The following ITCH variants were observed in gnomAD, a reference collection of about 807,000 sequenced individuals.
The protein encoded by ITCH is E3 ubiquitin-protein ligase Itchy homolog.
A neutral mutation model predicts 126.8 loss-of-function variants in ITCH; 28 were observed. The ratio of observed to expected loss-of-function variants is 0.22; its 90% confidence interval spans 0.16 to 0.30. The LOEUF (loss-of-function observed/expected upper bound fraction) is 0.30. Among genes scored for constraint, ITCH ranks in the 10% least tolerant of loss-of-function variants. The pLI, the probability that ITCH is intolerant of heterozygous loss-of-function variation, is 1.00. For missense variants in ITCH, 631 were observed against 1,032.4 expected (o/e 0.61, Z 5.33); for synonymous variants, 342 against 340.0 (o/e 1.01, Z -0.06).
rs559898176 is a variant in ITCH at position 34,389,110 on chromosome 20, G to A, written c.-21-4681G>A. ...GCGTATGTGAAAAGTCCTTCCCATA[G>A]ACTTGGGTTTCACATCCCATGAGTA... On this transcript the variant is annotated intron_variant, in intron 2 of 24. Coordinates refer to ENST00000374864, the MANE Select transcript of ITCH (RefSeq NM_031483.7). 2.6e-5 allele frequency among the ~76,000 whole-genome samples: 4 copies of A among 152,222 alleles called. No homozygotes were observed. In the East Asian group the frequency reaches 7.7e-4, roughly 29 times the overall value.
At position 34,397,266 on chromosome 20, in the gene ITCH, C is replaced by T. The variant is rs764361060; in HGVS notation, c.70+3385C>T. On this transcript the variant is annotated intron_variant, in intron 3 of 24. Coordinates refer to ENST00000374864, the MANE Select transcript of ITCH (RefSeq NM_031483.7). Reference sequence around the variant, plus strand: ...TTGAACTCCTGACCTCAGGATCCACCCACCTCGGCCTCCCAAAGTACAGGG... The same window carrying T: ...TTGAACTCCTGACCTCAGGATCCACTCACCTCGGCCTCCCAAAGTACAGGG... Among the ~76,000 whole-genome samples the T allele has an allele frequency of 3.7e-4, 57 of 152,154 alleles. No homozygotes were observed. Among genetic ancestry groups the T allele is most frequent in the Non-Finnish European group, 6.9e-4 (47 of 68,026 alleles).
At chr20:34,393,749 G>A in intron 2 of ITCH, 42 bp from the exon 3 acceptor site, 2 of 1,153,406 alleles carry the variant, frequency 1.7e-6, no homozygotes, top group East Asian at 4.7e-5. Flanking sequence ...TGTTTTTAAT[G>A]GGAATTTTTG....
chr20:34,480,931 C>G, intron 19 of ITCH, 135 bp from the exon 20 acceptor site: 2 of 1,087,508 alleles, frequency 1.8e-6, no homozygotes, highest in East Asian at 5.2e-5. Context: ...GACCTTAGAA[C>G]AGAATCTTAT....
chr20:34,489,712 A>G, intron 21 of ITCH, 110 bp from the exon 22 acceptor site: 1 of 817,950 alleles, frequency 1.2e-6, no homozygotes, highest in Admixed American at 1.8e-5. Flanking sequence ...TTGATAAGTC[A>G]AAGCCTACTG....
At chr20:34,369,846 G>A (rs2037552889) in intron 2 of ITCH, among the ~76,000 whole-genome samples, 1 of 152,068 alleles carries the variant, frequency 6.6e-6, no homozygotes, top group South Asian at 2.1e-4. Context: ...GCTCATGCCT[G>A]TAATTCCAGC....
chr20:34,506,459 G>A (rs1990626556), intron 24 of ITCH, among the ~76,000 whole-genome samples: 1 of 152,228 alleles, frequency 6.6e-6, no homozygotes. Context: ...CACAGCAGGA[G>A]GTAAGTGGAG....
chr20:34,501,123 C>A (rs1333538150), intron 23 of ITCH, among the ~76,000 whole-genome samples: 1 of 152,176 alleles, frequency 6.6e-6, no homozygotes, highest in Admixed American at 6.5e-5. Context: ...TAAACTTCCA[C>A]CCAGCACAGG....
chr20:34,394,209 C>CAAAAA (rs59876098), intron 3 of ITCH, among the ~76,000 whole-genome samples: 4 of 62,912 alleles, frequency 6.4e-5, no homozygotes, highest in African/African-American at 1.8e-4. Context: ...GAGACTGTCT[C>CAAAAA]AAAAAAAAAA....
At chr20:34,408,813 CTG>C (rs1978520074) in intron 4 of ITCH, 21 bp downstream of exon 4, 1 of 1,612,006 alleles carries the variant, frequency 6.2e-7, no homozygotes, top group Non-Finnish European at 8.5e-7. Context: ...AAGTATTTTT[CTG>C]TAGTATGTTT....
At chr20:34,423,610 T>C (rs1490519768) in intron 6 of ITCH, among the ~76,000 whole-genome samples, 1 of 152,138 alleles carries the variant, frequency 6.6e-6, no homozygotes, top group Non-Finnish European at 1.5e-5. Context: ...CCAACACTTT[T>C]CTTTTTTTTG....
At position 34,457,492 on chromosome 20, in the gene ITCH, T is replaced by A; in HGVS notation, c.1295+18T>A. Reference sequence around the variant, plus strand: ...AGTCAAGGGTAAGAATAGTTACTTGTGTATATTTAATCTCTTAAAGATTAT... The same window carrying A: ...AGTCAAGGGTAAGAATAGTTACTTGAGTATATTTAATCTCTTAAAGATTAT... On this transcript the variant is annotated intron_variant, in intron 13 of 24. Coordinates refer to ENST00000374864, the MANE Select transcript of ITCH (RefSeq NM_031483.7). The A allele has an allele frequency of 6.7e-7, 1 of 1,482,410 alleles. No homozygotes were observed. Among genetic ancestry groups the A allele is most frequent in the East Asian group, 2.3e-5 (1 of 44,202 alleles). The allele number at this position is 1,482,410 out of a possible 1,614,324, so 91.8% of individuals were successfully genotyped here. A position where few individuals can be genotyped will look rare whatever the true frequency, so the allele number is the denominator to read the frequency against.
chr20:34,372,582 G>A (rs577975550), intron 2 of ITCH, among the ~76,000 whole-genome samples: 2 of 151,462 alleles, frequency 1.3e-5, no homozygotes, highest in South Asian at 2.1e-4. Context: ...GGGTTTCACC[G>A]TGCTAGCCAG....
intron 7 of ITCH, among the ~76,000 whole-genome samples, chr20:34,429,303 A>G (rs1387317878): frequency 6.6e-6 from 1 of 152,192 alleles, no homozygotes; most frequent in African/African-American, 2.4e-5. Context: ...TATACTGTAT[A>G]GATTTCCGGA....
At chr20:34,407,173 C>T (rs2039088676) in intron 3 of ITCH, among the ~76,000 whole-genome samples, 1 of 152,006 alleles carries the variant, frequency 6.6e-6, no homozygotes, top group Non-Finnish European at 1.5e-5. Context: ...GAAGCTCTTC[C>T]TTAGATAATA....
chr20:34,499,950 G>C (rs1031627898), intron 23 of ITCH, among the ~76,000 whole-genome samples: 1 of 151,956 alleles, frequency 6.6e-6, no homozygotes, highest in Non-Finnish European at 1.5e-5. Context: ...GGTCATTCTG[G>C]AGCACGTTTA....
intron 7 of ITCH, among the ~76,000 whole-genome samples, chr20:34,436,638 T>A (rs1983041859): frequency 6.6e-6 from 1 of 152,242 alleles, no homozygotes; most frequent in African/African-American, 2.4e-5. Flanking sequence ...GTGCTTGTCA[T>A]ACCTTACTGT....
At position 34,457,604 on chromosome 20, in the gene ITCH, G is replaced by A. The variant is rs1249745087; in HGVS notation, c.1295+130G>A. The A allele has an allele frequency of 4.3e-6, 3 of 694,220 alleles. No individual in the cohort carries two copies. The African/African-American group carries it at 5.4e-5, about 12-fold the overall frequency. The allele number at this position is 694,220 out of a possible 1,614,324, so 43.0% of individuals were successfully genotyped here. A position where few individuals can be genotyped will look rare whatever the true frequency, so the allele number is the denominator to read the frequency against. On this transcript the variant is annotated intron_variant, in intron 13 of 24. Coordinates refer to ENST00000374864, the MANE Select transcript of ITCH (RefSeq NM_031483.7). ...GTTAATCACCTACATACTTTGGAAA[G>A]AGAAAATTATACTATTATTTTCATC...
At position 34,511,053 on chromosome 20, in the gene ITCH, G is replaced by A. The variant is rs1042263066; in HGVS notation, c.*3259G>A. ...CTCTATTTTTATATCCTTTCCTGTT[G>A]TGGATGTAACTTACCTTTCTAAACT... is the stretch of plus-strand genomic sequence containing the variant. On this transcript the variant is annotated 3_prime_UTR_variant, in exon 25 of 25. Transcript: ENST00000374864. The A allele has an allele frequency of 6.6e-6, 1 of 152,154 alleles. No homozygotes were observed. The highest frequency in any genetic ancestry group is 6.5e-5 in the Admixed American group (1 of 15,282). The allele number at this position is 152,154 out of a possible 1,614,324, so 9.4% of individuals were successfully genotyped here.
At chr20:34,434,267 C>G (rs1435069255) in intron 7 of ITCH, among the ~76,000 whole-genome samples, 2 of 152,006 alleles carry the variant, frequency 1.3e-5, no homozygotes, top group Non-Finnish European at 2.9e-5. Flanking sequence ...ATGGTTGTGC[C>G]ACGGCACTCC....
Sources: gnomAD v4.1 joint callset for allele counts (sites outside exome capture counted in the v4.1 genomes callset) on GRCh38, gnomAD v4.1.1 for gene constraint, MANE v1.5 for transcripts, NCBI Gene and HGNC (gene_info 2026-07-23, HGNC 2026-07-21) for gene names.